The following COL4A6 variants were observed in gnomAD, a reference collection of about 807,000 sequenced individuals.
COL4A6 encodes collagen type IV alpha 6 chain, also known as collagen alpha-6(IV) chain.
COL4A6 carries 59 observed loss-of-function variants against 126.7 expected under a neutral mutation model. The observed-to-expected ratio is 0.47, with a 90% CI of 0.38 to 0.58. COL4A6 has a LOEUF of 0.58. Among genes scored for constraint, COL4A6 ranks in the 20% least tolerant of loss-of-function variants. COL4A6 has a pLI of 0.00. For missense variants in COL4A6, 1,285 were observed against 1,337.3 expected, an observed-to-expected ratio of 0.96 and a Z score of 0.61; for synonymous variants, 547 against 496.6, an observed-to-expected ratio of 1.10 and a Z score of -1.35.
At chrX:108,309,909 C>A (rs141441677) in intron 3 of COL4A6, among the ~76,000 whole-genome samples, 1,288 of 109,962 alleles carry the variant, frequency 0.012, 27 homozygotes, top group African/African-American at 0.04. Context: ...AGCATCTCCT[C>A]TGAGTGTCAC....
At chrX:108,364,069 G>A (rs113106444) in intron 2 of COL4A6, among the ~76,000 whole-genome samples, 139 of 109,634 alleles carry the variant, frequency 1.3e-3, no homozygotes, top group African/African-American at 4.0e-3. Context: ...ATGGGGTTTC[G>A]CCACATTGGC....
chrX:108,403,272 C>G (rs1327583058), intron 2 of COL4A6, among the ~76,000 whole-genome samples: 4 of 56,655 alleles, frequency 7.1e-5, no homozygotes, highest in Non-Finnish European at 1.2e-4. Context: ...CTCTCTCTCT[C>G]TCTCTCTCTC....
At chrX:108,330,609 A>G (rs1297484570) in intron 2 of COL4A6, among the ~76,000 whole-genome samples, 1 of 111,528 alleles carries the variant, frequency 9.0e-6, no homozygotes, top group Non-Finnish European at 1.9e-5. Context: ...GGTAGAAGAC[A>G]GGGGACAGGT....
intron 2 of COL4A6, among the ~76,000 whole-genome samples, chrX:108,318,725 G>T (rs1303761753): frequency 8.9e-6 from 1 of 112,131 alleles, no homozygotes; most frequent in Non-Finnish European, 1.9e-5. Context: ...AAATAAAAGA[G>T]GATACAAACA....
At chrX:108,267,630 T>C (rs1378177548) in intron 3 of COL4A6, 1 of 112,461 alleles carries the variant, frequency 8.9e-6, no homozygotes, top group African/African-American at 3.2e-5. Context: ...TGTACATACA[T>C]ACACACATGT....
intron 3 of COL4A6, among the ~76,000 whole-genome samples, chrX:108,246,217 T>C (rs2036715019): frequency 8.9e-6 from 1 of 112,175 alleles, no homozygotes; most frequent in South Asian, 3.7e-4. Flanking sequence ...TGTTTTATTA[T>C]CTTCAATATG....
chrX:108,160,632 G>A lies in COL4A6; in HGVS notation c.4356C>T (p.Pro1452=). 1 of 1,208,762 alleles carries A rather than the reference G, an allele frequency of 8.3e-7. No homozygotes were observed. Among genetic ancestry groups the A allele is most frequent in the Non-Finnish European group, 1.1e-6 (1 of 894,184 alleles). Residue 1452 remains proline, a synonymous_variant, in exon 43 of 45, where the codon CCC becomes CCT. Coordinates refer to ENST00000334504, the MANE Select transcript of COL4A6 (RefSeq NM_033641.4). The part of the protein sequence containing the change: ...GFEGAPGQQG[P]FGMPGMPGQS... The stretch of plus-strand genomic sequence containing the variant: ...GGCCAGGCATTCCAGGCATCCCGAA[G>A]GGGCCTTGCTGCCCTGGAGCTCCTG...
At chrX:108,352,221 A>G (rs2039862850) in intron 2 of COL4A6, among the ~76,000 whole-genome samples, 1 of 112,709 alleles carries the variant, frequency 8.9e-6, no homozygotes, top group African/African-American at 3.2e-5. Flanking sequence ...AAAGAGAAGA[A>G]CATGCCTGAT....
intron 8 of COL4A6, chrX:108,206,799 G>A (rs1722415362): frequency 4.0e-6 from 2 of 504,756 alleles, no homozygotes; most frequent in South Asian, 4.9e-5. Flanking sequence ...GCAAACTACT[G>A]ATATATGAAA....
Position 108,162,076 on chromosome X carries a change from G to A in COL4A6, c.4217-341C>T, listed in dbSNP as rs184191058. Among the ~76,000 whole-genome samples, 7 of 112,520 alleles carry A rather than the reference G, an allele frequency of 6.2e-5. No homozygotes were observed. In the Admixed American group the frequency reaches 6.5e-4, roughly 11 times the overall value. Reference sequence around the variant, plus strand: ...AGAAATGAGGACACCGAGGCTGGGCGCAGTGGCTCATGCCTGTAATCCCAG... The same window carrying A: ...AGAAATGAGGACACCGAGGCTGGGCACAGTGGCTCATGCCTGTAATCCCAG... On this transcript the variant is annotated intron_variant, in intron 41 of 44. Transcript: ENST00000334504.
intron 2 of COL4A6, among the ~76,000 whole-genome samples, chrX:108,437,605 A>T (rs1184012922): frequency 2.7e-5 from 3 of 111,934 alleles, no homozygotes; most frequent in African/African-American, 9.7e-5. Context: ...AAGTTCTTGA[A>T]GACCAGGGAA....
At chrX:108,209,912 GCACC>G in intron 8 of COL4A6, 53 bp downstream of exon 8, 1 of 1,152,836 alleles carries the variant, frequency 8.7e-7, no homozygotes, top group South Asian at 1.9e-5. Flanking sequence ...GAACGAAAAT[GCACC>G]ATTAGTGATT....
At chrX:108,359,375 ATT>A (rs2040031261) in intron 2 of COL4A6, among the ~76,000 whole-genome samples, 7 of 112,647 alleles carry the variant, frequency 6.2e-5, no homozygotes, top group Middle Eastern at 4.2e-3. Context: ...GTTTTTAATC[ATT>A]CTGCTAATAT....
chrX:108,164,092 G>A (rs191201066), intron 40 of COL4A6, among the ~76,000 whole-genome samples: 2 of 111,727 alleles, frequency 1.8e-5, no homozygotes, highest in East Asian at 2.8e-4. Flanking sequence ...GCCACTATGT[G>A]GAAAAGTGAC....
rs777541314 is a variant in COL4A6, at chrX:108,164,248, TG to T, written c.4069+351del. Among the ~76,000 whole-genome samples the T allele has an allele frequency of 2.7e-5, 3 of 110,778 alleles. No homozygotes were observed. The East Asian group carries it at 8.5e-4, about 32-fold the overall frequency. On this transcript the variant is annotated intron_variant, in intron 40 of 44. Coordinates refer to ENST00000334504, the MANE Select transcript of COL4A6 (RefSeq NM_033641.4). ...AGGGCTTGCTACTAGATTGCATGTG[TG>T]TGAGTGAGGGTGGGAAAGGATGCAA... is the stretch of plus-strand genomic sequence containing the variant.
At chrX:108,435,369 C>T (rs73253684) in intron 2 of COL4A6, among the ~76,000 whole-genome samples, 25 of 112,124 alleles carry the variant, frequency 2.2e-4, no homozygotes, top group Non-Finnish European at 4.1e-4. Context: ...TTCGCTAACA[C>T]GATGCAAGTA....
intron 3 of COL4A6, among the ~76,000 whole-genome samples, chrX:108,254,509 T>C (rs755680656): frequency 9.0e-6 from 1 of 111,152 alleles, no homozygotes; most frequent in South Asian, 3.8e-4. Context: ...TTTGTTTTTG[T>C]TTTTTGTTTT....
intron 6 of COL4A6, 109 bp from the exon 7 acceptor site, chrX:108,211,849 G>C: frequency 1.3e-6 from 1 of 786,430 alleles, no homozygotes; most frequent in Non-Finnish European, 1.9e-6. Flanking sequence ...AAACCATGTG[G>C]CTTTTTCTAT....
intron 2 of COL4A6, among the ~76,000 whole-genome samples, chrX:108,395,788 A>G (rs1191652290): frequency 8.9e-5 from 10 of 112,019 alleles, no homozygotes; most frequent in South Asian, 7.4e-4. Context: ...AATACATCTA[A>G]CTAGCTTTCC....
Sources: allele counts gnomAD v4.1 joint callset (sites outside exome capture counted in the v4.1 genomes callset), GRCh38; gene constraint gnomAD v4.1.1; transcripts MANE v1.5; gene names NCBI Gene and HGNC (gene_info 2026-07-23, HGNC 2026-07-21).